Variants in ASAP1 observed in about 807,000 individuals in gnomAD.
The protein encoded by ASAP1 is ArfGAP with SH3 domain, ankyrin repeat and PH domain 1, also known as arf-GAP with SH3 domain, ANK repeat and PH domain-containing protein 1.
Under a neutral mutation model 145.2 loss-of-function variants are expected in ASAP1, and 43 were observed. The ratio of observed to expected loss-of-function variants is 0.30; its 90% CI spans 0.23 to 0.38. The LOEUF (loss-of-function observed/expected upper bound fraction) is 0.38. ASAP1 is among the 10% of genes least tolerant of loss of function. The probability of loss-of-function intolerance (pLI) is 1.00; values close to 1 mark genes in which losing one functional copy is unlikely to be tolerated. For missense variants in ASAP1, 1,018 were observed against 1,355.3 expected (o/e 0.75, Z 3.91); for synonymous variants, 546 against 515.5 (o/e 1.06, Z -0.80).
intron 9 of ASAP1, among the ~76,000 whole-genome samples, chr8:130,171,357 TCA>T (rs1203838849): frequency 6.6e-6 from 1 of 152,136 alleles, no homozygotes; most frequent in African/African-American, 2.4e-5. Context: ...TTTAATTGAC[TCA>T]CAGTTCCACA....
chr8:130,172,606 AT>A (rs1306239493), intron 9 of ASAP1, among the ~76,000 whole-genome samples: 1 of 152,192 alleles, frequency 6.6e-6, no homozygotes, highest in East Asian at 1.9e-4. Context: ...CATAAGCCAT[AT>A]TTCAAGTGCT....
chr8:130,421,534 G>C (rs765341320), intron 1 of ASAP1, among the ~76,000 whole-genome samples: 3 of 152,166 alleles, frequency 2.0e-5, no homozygotes, highest in Non-Finnish European at 2.9e-5. Flanking sequence ...CCATTCTTCA[G>C]GCCAAGGTTT....
chr8:130,250,525 T>C (rs183191718), intron 3 of ASAP1, among the ~76,000 whole-genome samples: 163 of 152,346 alleles, frequency 1.1e-3, no homozygotes, highest in Middle Eastern at 0.01. Context: ...TGGTAAGCCA[T>C]TGGTGACTTC....
intron 11 of ASAP1, among the ~76,000 whole-genome samples, chr8:130,162,150 G>A (rs2097670528): frequency 6.6e-6 from 1 of 152,074 alleles, no homozygotes; most frequent in Admixed American, 6.5e-5. Flanking sequence ...ATAGTAATGT[G>A]GTTCACTAAG....
At chr8:130,205,262 A>G (rs970234356) in intron 5 of ASAP1, among the ~76,000 whole-genome samples, 1 of 152,122 alleles carries the variant, frequency 6.6e-6, no homozygotes, top group African/African-American at 2.4e-5. Context: ...TATCGCGTGC[A>G]TACACCCTTT....
intron 2 of ASAP1, among the ~76,000 whole-genome samples, chr8:130,393,232 A>T (rs1206465125): frequency 6.6e-6 from 1 of 152,196 alleles, no homozygotes; most frequent in African/African-American, 2.4e-5. Context: ...GCTGTTTGCC[A>T]TATTCCTGAA....
At chr8:130,314,188 A>G (rs890527469) in intron 3 of ASAP1, among the ~76,000 whole-genome samples, 8 of 152,212 alleles carry the variant, frequency 5.3e-5, no homozygotes, top group African/African-American at 1.4e-4. Context: ...TACACCCCAC[A>G]TATTAATTCT....
intron 27 of ASAP1, among the ~76,000 whole-genome samples, chr8:130,061,863 T>C (rs1188204864): frequency 6.6e-6 from 1 of 152,246 alleles, no homozygotes; most frequent in African/African-American, 2.4e-5. Flanking sequence ...TTGACCCATT[T>C]CCATAGCTCT....
At chr8:130,124,187 T>G in intron 17 of ASAP1, 83 bp from the exon 18 acceptor site, 1 of 983,222 alleles carries the variant, frequency 1.0e-6, no homozygotes, top group Non-Finnish European at 1.5e-6. Context: ...TTTTTGAGAT[T>G]TATGAATATG....
At chr8:130,383,409 G>A (rs575490585) in intron 2 of ASAP1, among the ~76,000 whole-genome samples, 2 of 152,270 alleles carry the variant, frequency 1.3e-5, no homozygotes, top group East Asian at 1.9e-4. Context: ...ACCATCAAGG[G>A]GAGAAAGCCT....
At chr8:130,414,568 C>T (rs1212006733) in intron 1 of ASAP1, among the ~76,000 whole-genome samples, 1 of 152,154 alleles carries the variant, frequency 6.6e-6, no homozygotes, top group Non-Finnish European at 1.5e-5. Flanking sequence ...GTGAATCAGG[C>T]CTTGTGATTT....
chr8:130,080,612 C>T (rs1354624297), intron 25 of ASAP1, among the ~76,000 whole-genome samples: 3 of 151,614 alleles, frequency 2.0e-5, no homozygotes, highest in East Asian at 3.9e-4. Context: ...GTAGCTGGGA[C>T]TACAGGGGCA....
intron 5 of ASAP1, among the ~76,000 whole-genome samples, chr8:130,206,678 A>G (rs1224003911): frequency 2.6e-5 from 4 of 152,222 alleles, no homozygotes; most frequent in Non-Finnish European, 5.9e-5. Context: ...TGGCTGACCT[A>G]GAATACTTCC....
Position 130,092,067 on chromosome 8 carries a change from C to T in ASAP1, c.2478G>A (p.Arg826=). The change falls in exon 25 of 30, where the codon AGG becomes AGA. Residue 826 remains arginine, a synonymous_variant. Coordinates refer to ENST00000518721, the MANE Select transcript of ASAP1 (RefSeq NM_018482.4). The part of the protein sequence containing the change: ...SSGSSTLSKK[R]PPPPPPGHKR... Reference sequence around the variant, plus strand: ...TGTGTCCGGGTGGTGGGGGAGGAGGCCTCTTCTTGGATAGGGTGGAGCTGC... The same window carrying T: ...TGTGTCCGGGTGGTGGGGGAGGAGGTCTCTTCTTGGATAGGGTGGAGCTGC... The T allele has an allele frequency of 6.4e-7, 1 of 1,569,702 alleles. No individual in the cohort carries two copies. The highest frequency in any genetic ancestry group is 8.6e-7 in the Non-Finnish European group (1 of 1,162,980).
At chr8:130,195,486 T>C (rs1265015691) in intron 5 of ASAP1, 1 of 152,030 alleles carries the variant, frequency 6.6e-6, no homozygotes, top group Non-Finnish European at 1.5e-5. Flanking sequence ...CAGTGAGCTA[T>C]GATCCTGCCA....
At chr8:130,317,813 T>C (rs1823757632) in intron 3 of ASAP1, among the ~76,000 whole-genome samples, 1 of 152,208 alleles carries the variant, frequency 6.6e-6, no homozygotes, top group Non-Finnish European at 1.5e-5. Flanking sequence ...GAACATGGCA[T>C]GGCAGGCCCT....
At chr8:130,115,549 A>G (rs2097554128) in intron 23 of ASAP1, 79 bp downstream of exon 23, 2 of 1,118,740 alleles carry the variant, frequency 1.8e-6, no homozygotes, top group Admixed American at 1.9e-5. Context: ...AATCAATCTC[A>G]CCAAAAATGG....
In ASAP1 at chr8:130,372,787, G is replaced by T. The variant is rs557586894; in HGVS notation, c.60-14644C>A. Among the ~76,000 whole-genome samples the T allele has an allele frequency of 9.2e-5, 14 of 152,180 alleles. 1 individual carries two copies. In the South Asian group the frequency reaches 2.9e-3, roughly 32 times the overall value. On this transcript the variant is annotated intron_variant, in intron 2 of 29. Coordinates refer to ENST00000518721, the MANE Select transcript of ASAP1 (RefSeq NM_018482.4). The stretch of plus-strand genomic sequence containing the variant: ...CTGTTACAGGCTGTTGCCTGAGAGA[G>T]AATTCAGATTGAAATGTATTACAGT...
chr8:130,429,819 A>C (rs538786920), intron 1 of ASAP1, among the ~76,000 whole-genome samples: 1 of 152,232 alleles, frequency 6.6e-6, no homozygotes, highest in African/African-American at 2.4e-5. Flanking sequence ...ATGAGTTTTG[A>C]AGAATAACGC....
Sources: gnomAD v4.1 joint callset for allele counts (sites outside exome capture counted in the v4.1 genomes callset) on GRCh38, gnomAD v4.1.1 for gene constraint, MANE v1.5 for transcripts, NCBI Gene and HGNC (gene_info 2026-07-23, HGNC 2026-07-21) for gene names.